HS3ST4: variants seen among roughly 807,000 people sequenced by gnomAD.
HS3ST4 encodes heparan sulfate glucosamine 3-O-sulfotransferase 4.
A neutral mutation model predicts 29.2 loss-of-function variants in HS3ST4; 17 were observed. The ratio of observed to expected loss-of-function variants is 0.58; its 90% CI spans 0.40 to 0.87. The LOEUF (loss-of-function observed/expected upper bound fraction) is 0.87, where lower values mean the gene tolerates loss of function less well. HS3ST4 is among the 40% of genes least tolerant of loss of function. The pLI is 0.00. For missense variants in HS3ST4, 627 were observed against 634.5 expected (o/e 0.99, Z 0.13); for synonymous variants, 314 against 285.7 (o/e 1.10, Z -1.00).
rs184501590 is a variant in HS3ST4 at position 25,730,952 on chromosome 16, A to G, written c.734+37801A>G. On this transcript the variant is annotated intron_variant, in intron 1 of 1. Coordinates refer to ENST00000331351, the MANE Select transcript of HS3ST4 (RefSeq NM_006040.3). ...TTACAGTGAAATGACACACATTAAA[A>G]TCAGCAGAGGACAAAGACACATACA... 8.8e-3 allele frequency among the ~76,000 whole-genome samples: 1,336 copies of G among 152,340 alleles called. 5 individuals carry two copies. The highest frequency in any genetic ancestry group is 0.012 in the Non-Finnish European group (849 of 68,026).
chr16:25,858,946 C>CT (rs1046926936), intron 1 of HS3ST4, among the ~76,000 whole-genome samples: 3 of 151,992 alleles, frequency 2.0e-5, no homozygotes, highest in African/African-American at 7.3e-5. Context: ...AACTTTTTGT[C>CT]TTTCTTTAGT....
At chr16:25,812,890 G>C (rs1967056227) in intron 1 of HS3ST4, among the ~76,000 whole-genome samples, 1 of 152,006 alleles carries the variant, frequency 6.6e-6, no homozygotes. Flanking sequence ...TTGTTAAGCA[G>C]GATTCCCACT....
intron 1 of HS3ST4, among the ~76,000 whole-genome samples, chr16:26,015,261 A>C (rs1271359463): frequency 6.6e-6 from 1 of 152,214 alleles, no homozygotes; most frequent in Non-Finnish European, 1.5e-5. Context: ...TGCAAAACTC[A>C]GGAAAGAGTA....
intron 1 of HS3ST4, among the ~76,000 whole-genome samples, chr16:25,889,906 GCT>G (rs35191445): frequency 0.034 from 5,177 of 150,622 alleles, 241 homozygotes; most frequent in African/African-American, 0.1. Flanking sequence ...CCCTATACAT[GCT>G]CTCTCTCTCT....
At chr16:25,915,445 G>C (rs1286482451) in intron 1 of HS3ST4, among the ~76,000 whole-genome samples, 3 of 152,092 alleles carry the variant, frequency 2.0e-5, no homozygotes, top group Non-Finnish European at 4.4e-5. Context: ...ACGTTTTTGA[G>C]GAACATATAG....
chr16:25,738,895 C>A (rs1966631461), intron 1 of HS3ST4, among the ~76,000 whole-genome samples: 1 of 152,170 alleles, frequency 6.6e-6, no homozygotes, highest in Non-Finnish European at 1.5e-5. Context: ...TTTGTTCTTG[C>A]TCAAGATTGA....
chr16:25,873,636 TCATCCATCCATCCATCCGTCCGTC>T (rs879929741), intron 1 of HS3ST4, among the ~76,000 whole-genome samples: 8,164 of 97,846 alleles, frequency 0.083, 282 homozygotes, highest in South Asian at 0.16. Context: ...ACCCATCCAT[TCATCCATCCATCCATCCGTCCGTC>T]CATCCATCCA....
chr16:25,775,542 G>T (rs60663979), intron 1 of HS3ST4, among the ~76,000 whole-genome samples: 21,923 of 152,120 alleles, frequency 0.14, 1,974 homozygotes, highest in South Asian at 0.28. Context: ...CCCACATCTT[G>T]CTGTGTCTGA....
chr16:25,991,199 G>A (rs1969110761), intron 1 of HS3ST4, among the ~76,000 whole-genome samples: 3 of 152,108 alleles, frequency 2.0e-5, no homozygotes, highest in Non-Finnish European at 2.9e-5. Flanking sequence ...CAGGGAACTC[G>A]GGCAGCAGAT....
intron 1 of HS3ST4, among the ~76,000 whole-genome samples, chr16:25,922,884 TCC>T (rs1409976064): frequency 2.6e-5 from 4 of 152,236 alleles, no homozygotes; most frequent in South Asian, 4.1e-4. Flanking sequence ...TGAATGCCTT[TCC>T]TTGGGCTGTG....
At chr16:26,075,683 G>T (rs942933142) in intron 1 of HS3ST4, among the ~76,000 whole-genome samples, 1 of 152,030 alleles carries the variant, frequency 6.6e-6, no homozygotes, top group Non-Finnish European at 1.5e-5. Context: ...AGCTGGCTGG[G>T]GTATAAATAT....
chr16:26,090,821 G>A (rs531793701), intron 1 of HS3ST4, among the ~76,000 whole-genome samples: 56 of 152,192 alleles, frequency 3.7e-4, no homozygotes, highest in African/African-American at 1.3e-3. Context: ...CACCACCCTG[G>A]CCCCACCCCT....
chr16:25,926,546 T>C (rs1213765743), intron 1 of HS3ST4, among the ~76,000 whole-genome samples: 1 of 152,226 alleles, frequency 6.6e-6, no homozygotes, highest in Admixed American at 6.5e-5. Context: ...TAAAATAGCA[T>C]AGCTAACTTT....
At chr16:25,776,783 A>G (rs1596567397) in intron 1 of HS3ST4, among the ~76,000 whole-genome samples, 1 of 152,044 alleles carries the variant, frequency 6.6e-6, no homozygotes, top group Non-Finnish European at 1.5e-5. Context: ...TCCTTGTTCC[A>G]TCTTTTCTCT....
intron 1 of HS3ST4, among the ~76,000 whole-genome samples, chr16:25,888,310 G>T (rs1446731744): frequency 2.6e-5 from 4 of 152,218 alleles, no homozygotes; most frequent in African/African-American, 9.6e-5. Context: ...TTCAGGAGAA[G>T]TATGATCTAG....
At chr16:26,105,956 G>A (rs998314513) in intron 1 of HS3ST4, among the ~76,000 whole-genome samples, 7 of 152,144 alleles carry the variant, frequency 4.6e-5, no homozygotes, top group African/African-American at 1.4e-4. Flanking sequence ...TTAGCAGGGT[G>A]GTATAGAAAG....
At chr16:26,028,707 T>C (rs1466993290) in intron 1 of HS3ST4, among the ~76,000 whole-genome samples, 1 of 152,100 alleles carries the variant, frequency 6.6e-6, no homozygotes, top group Non-Finnish European at 1.5e-5. Flanking sequence ...CCATGTGCAC[T>C]TCTTCTCTAG....
chr16:25,914,628 GGT>G (rs150718719), intron 1 of HS3ST4, among the ~76,000 whole-genome samples: 1,599 of 148,906 alleles, frequency 0.011, 14 homozygotes, highest in Non-Finnish European at 0.016. Context: ...GGGTGTGTGT[GGT>G]GTGTGTGTGT....
chr16:25,974,525 C>T (rs1596632092), intron 1 of HS3ST4, among the ~76,000 whole-genome samples: 1 of 152,038 alleles, frequency 6.6e-6, no homozygotes, highest in East Asian at 1.9e-4. Flanking sequence ...GGTTGAGAAG[C>T]CAGCAAAGGA....
Sources: allele counts gnomAD v4.1 joint callset (sites outside exome capture counted in the v4.1 genomes callset), GRCh38; gene constraint gnomAD v4.1.1; transcripts MANE v1.5; gene names NCBI Gene and HGNC (gene_info 2026-07-23, HGNC 2026-07-21).